Variants in DISC1 observed in about 807,000 individuals in gnomAD.
DISC1 encodes the protein disrupted in schizophrenia 1 protein.
DISC1 carries 57 observed loss-of-function variants against 84.5 expected under a neutral mutation model. That is an observed-to-expected ratio of 0.67 (90% CI 0.55 to 0.84). The LOEUF is 0.84. Ranked by LOEUF, DISC1 falls within the 40% of genes least tolerant of loss-of-function variation. The probability of loss-of-function intolerance (pLI) is 0.00; values close to 1 mark genes in which losing one functional copy is unlikely to be tolerated. For synonymous variants in DISC1, 411 were observed against 415.2 expected, an observed-to-expected ratio of 0.99 and a Z score of 0.12; for missense variants, 1,000 against 1,057.8, an observed-to-expected ratio of 0.95 and a Z score of 0.76.
chr1:231,783,932 A>G (rs1481749537), intron 6 of DISC1, among the ~76,000 whole-genome samples: 2 of 152,004 alleles, frequency 1.3e-5, no homozygotes, highest in African/African-American at 2.4e-5. Context: ...TATGAGTTAC[A>G]TGGGTGCATC....
rs1259441133 is a variant in DISC1 at position 231,694,099 on chromosome 1, C to A, written c.341C>A (p.Thr114Asn). 3 of 1,614,190 alleles carry A rather than the reference C, an allele frequency of 1.9e-6. No homozygotes were observed. Among genetic ancestry groups the A allele is most frequent in the Non-Finnish European group, 8.5e-7 (1 of 1,180,018 alleles). Residue 114 changes from threonine to asparagine, a missense_variant, in exon 2 of 13, where the codon ACC becomes AAC. This residue lies in a region of DISC1 where 292 missense variants were observed against 280.2 expected (regional missense o/e 1.04). Coordinates refer to ENST00000439617, the MANE Select transcript of DISC1 (RefSeq NM_018662.3). Reference sequence around the variant, plus strand: ...CCTACTGTGACCTCTGTGAGAGGAACCTCGGCGCACTTTGGGATTCAGCTC... The same window carrying A: ...CCTACTGTGACCTCTGTGAGAGGAAACTCGGCGCACTTTGGGATTCAGCTC... Reference protein sequence around the residue: ...AAPTVTSVRGTSAHFGIQLRG... With the variant: ...AAPTVTSVRGNSAHFGIQLRG...
chr1:231,955,572 C>G (rs1438921394), intron 9 of DISC1, among the ~76,000 whole-genome samples: 1 of 151,694 alleles, frequency 6.6e-6, no homozygotes, highest in East Asian at 1.9e-4. Context: ...TCACTGCAAC[C>G]TCCGCCTCCC....
chr1:231,964,524 A>G (rs1380369840), intron 10 of DISC1, among the ~76,000 whole-genome samples: 1 of 152,200 alleles, frequency 6.6e-6, no homozygotes, highest in Non-Finnish European at 1.5e-5. Flanking sequence ...ACAATGGAAC[A>G]GGGAGGAGAA....
At chr1:231,686,392 T>A (rs2064279927) in intron 1 of DISC1, among the ~76,000 whole-genome samples, 1 of 152,252 alleles carries the variant, frequency 6.6e-6, no homozygotes, top group African/African-American at 2.4e-5. Flanking sequence ...CCCCAGTTCT[T>A]GACTTCTGTG....
chr1:231,718,937 C>T (rs907779212), intron 3 of DISC1, among the ~76,000 whole-genome samples: 1 of 152,102 alleles, frequency 6.6e-6, no homozygotes, highest in Non-Finnish European at 1.5e-5. Flanking sequence ...GAGTTGTAGA[C>T]CAGCCTGGGC....
rs895840622 is a variant in DISC1 at position 231,811,238 on chromosome 1, G to A, written c.1793-7091G>A. 1.8e-4 allele frequency among the ~76,000 whole-genome samples: 27 copies of A among 152,332 alleles called. 1 individual carries two copies. The highest frequency in any genetic ancestry group is 2.4e-5 in the African/African-American group (1 of 41,572). On this transcript the variant is annotated intron_variant, in intron 8 of 12. Coordinates refer to ENST00000439617, the MANE Select transcript of DISC1 (RefSeq NM_018662.3). ...AAATGCACAACCCTGACAGAAAATG[G>A]CAAATTCTAGCTGAAGGGACCTCCA...
chr1:231,688,046 A>C (rs1038677342), intron 1 of DISC1, among the ~76,000 whole-genome samples: 2 of 152,168 alleles, frequency 1.3e-5, no homozygotes, highest in African/African-American at 4.8e-5. Flanking sequence ...AACCACATAC[A>C]TTCTAAAATG....
At chr1:231,893,717 G>A (rs1326891955) in intron 9 of DISC1, among the ~76,000 whole-genome samples, 2 of 152,142 alleles carry the variant, frequency 1.3e-5, no homozygotes, top group Non-Finnish European at 2.9e-5. Context: ...AAAGCCTCTG[G>A]GTGGGCGTGG....
chr1:231,703,865 C>T (rs979323386), intron 3 of DISC1, among the ~76,000 whole-genome samples: 2 of 152,204 alleles, frequency 1.3e-5, no homozygotes, highest in South Asian at 4.1e-4. Context: ...CCCAAGCCTT[C>T]CTGGTGACTG....
chr1:231,797,422 C>G (rs1314644620), intron 7 of DISC1, among the ~76,000 whole-genome samples: 1 of 152,078 alleles, frequency 6.6e-6, no homozygotes, highest in Non-Finnish European at 1.5e-5. Flanking sequence ...AATTTAATTC[C>G]CATCACTTTG....
intron 9 of DISC1, among the ~76,000 whole-genome samples, chr1:231,883,672 C>T (rs1040911263): frequency 5.3e-5 from 8 of 152,128 alleles, no homozygotes; most frequent in Admixed American, 2.0e-4. Flanking sequence ...GGCAGGGAGC[C>T]TGAGGCCTGG....
intron 8 of DISC1, among the ~76,000 whole-genome samples, chr1:231,815,674 G>T (rs2080875154): frequency 1.3e-5 from 2 of 150,564 alleles, no homozygotes; most frequent in South Asian, 4.2e-4. Flanking sequence ...GAAGGTGGAG[G>T]TTGCAGTGAG....
intron 2 of DISC1, among the ~76,000 whole-genome samples, chr1:231,695,538 C>T (rs1371026580): frequency 6.6e-6 from 1 of 152,056 alleles, no homozygotes; most frequent in Non-Finnish European, 1.5e-5. Flanking sequence ...TGTGGCTCAT[C>T]TGTTGCCAGA....
Position 231,711,569 on chromosome 1 carries a change from C to T in DISC1, c.1117+9545C>T, listed in dbSNP as rs533479597. ...ATTTTTAATAGAGACGGGGTTTCAC[C>T]GTGTTAGCCAGGACAGTCTCAATCT... On this transcript the variant is annotated intron_variant, in intron 3 of 12. Coordinates refer to ENST00000439617, the MANE Select transcript of DISC1 (RefSeq NM_018662.3). Among the ~76,000 whole-genome samples the T allele has an allele frequency of 1.1e-3, 164 of 151,568 alleles. 1 individual carries two copies. Among genetic ancestry groups the T allele is most frequent in the African/African-American group, 3.8e-3 (156 of 41,296 alleles).
At chr1:231,935,285 C>T (rs995747412) in intron 9 of DISC1, among the ~76,000 whole-genome samples, 1 of 152,130 alleles carries the variant, frequency 6.6e-6, no homozygotes, top group African/African-American at 2.4e-5. Context: ...CCAACAATCT[C>T]ATATATACAA....
intron 6 of DISC1, among the ~76,000 whole-genome samples, chr1:231,779,606 G>T (rs983788693): frequency 2.1e-4 from 29 of 134,982 alleles, no homozygotes; most frequent in Admixed American, 1.7e-4. Context: ...TGTCGCCCAG[G>T]CTGCAGTGCG....
chr1:231,903,567 T>C (rs1323105239), intron 9 of DISC1, among the ~76,000 whole-genome samples: 1 of 152,160 alleles, frequency 6.6e-6, no homozygotes, highest in Non-Finnish European at 1.5e-5. Context: ...CTAGGCTGTG[T>C]GGTCAGAGAA....
chr1:232,014,159 A>C lies in DISC1; in HGVS notation c.2307+5110A>C, dbSNP rs913729. On this transcript the variant is annotated intron_variant, in intron 11 of 12. Coordinates refer to ENST00000439617, the MANE Select transcript of DISC1 (RefSeq NM_018662.3). ...TCCTCCTTGTCTTAAACTGATTTCT[A>C]TATCTAGAAATGTCTTTATTGGGCA... is the stretch of plus-strand genomic sequence containing the variant. Among the ~76,000 whole-genome samples the C allele has an allele frequency of 7.6e-4, 116 of 152,296 alleles. 1 individual carries two copies. In the East Asian group the frequency reaches 0.02, roughly 27 times the overall value.
chr1:231,958,939 T>C, intron 10 of DISC1, 51 bp downstream of exon 10: 1 of 1,551,626 alleles, frequency 6.4e-7, no homozygotes, highest in African/African-American at 1.4e-5. Context: ...TCTAGATTCT[T>C]TATTATAACA....
Sources: gnomAD v4.1 joint callset for allele counts (sites outside exome capture counted in the v4.1 genomes callset) on GRCh38, gnomAD v4.1.1 for gene constraint, gnomAD v4.1.1 regional missense constraint, MANE v1.5 for transcripts, NCBI Gene and HGNC (gene_info 2026-07-23, HGNC 2026-07-21) for gene names.